The following ACTR3C variants were observed in gnomAD, a reference collection of about 807,000 sequenced individuals.
The protein encoded by ACTR3C is actin related protein 3C.
In ACTR3C, 18 loss-of-function variants were observed where a neutral mutation model predicts 26.3. The ratio of observed to expected loss-of-function variants is 0.68; its 90% CI spans 0.47 to 1.01. ACTR3C has a LOEUF of 1.01. Ranked by LOEUF, ACTR3C falls within the 50% of genes least tolerant of loss-of-function variation. The pLI is 0.00. For missense variants in ACTR3C, 184 were observed against 250.7 expected, an observed-to-expected ratio of 0.73 and a Z score of 1.80; for synonymous variants, 55 against 94.5, an observed-to-expected ratio of 0.58 and a Z score of 2.42.
the ACTR3C span, among the ~76,000 whole-genome samples, chr7:150,212,263 G>C: frequency 6.8e-6 from 1 of 147,602 alleles, no homozygotes; most frequent in East Asian, 1.9e-4. Flanking sequence ...CTGCATTTGA[G>C]GTATAGCTTT....
the ACTR3C span, among the ~76,000 whole-genome samples, chr7:150,180,700 A>G: frequency 2.0e-5 from 3 of 148,932 alleles, no homozygotes; most frequent in Admixed American, 6.6e-5. Flanking sequence ...TTTAGTAGAG[A>G]CGGGGTTTCA....
At chr7:150,223,478 TTTTG>T in the ACTR3C span, among the ~76,000 whole-genome samples, 30,909 of 151,372 alleles carry the variant, frequency 0.2, 4,692 homozygotes, top group African/African-American at 0.43. Context: ...TGCAGGGTTT[TTTTG>T]TTTGTTTGTT....
At chr7:149,976,052 A>G in the ACTR3C span, among the ~76,000 whole-genome samples, 3 of 152,336 alleles carry the variant, frequency 2.0e-5, no homozygotes, top group Admixed American at 2.0e-4. Context: ...TTCTGGGTGC[A>G]TTTTTAATTT....
chr7:150,226,420 T>C, the ACTR3C span, among the ~76,000 whole-genome samples: 2 of 152,066 alleles, frequency 1.3e-5, no homozygotes, highest in Non-Finnish European at 2.9e-5. Context: ...TAGTACCTCA[T>C]TGCTTTTTGT....
the ACTR3C span, among the ~76,000 whole-genome samples, chr7:150,033,880 G>T: frequency 4.6e-5 from 7 of 151,974 alleles, no homozygotes; most frequent in East Asian, 3.9e-4. Context: ...AGAGCAAAGG[G>T]GGGAAGAGGG....
intron 6 of ACTR3C, among the ~76,000 whole-genome samples, chr7:150,266,710 C>G (rs1266099321): frequency 1.3e-5 from 2 of 152,164 alleles, no homozygotes; most frequent in African/African-American, 4.8e-5. Context: ...CTGAAGAACT[C>G]TTACTATTGA....
At chr7:149,974,374 A>G in the ACTR3C span, among the ~76,000 whole-genome samples, 1 of 151,318 alleles carries the variant, frequency 6.6e-6, no homozygotes, top group South Asian at 2.1e-4. Context: ...TTTATTTTAT[A>G]TAATAGATGG....
At chr7:150,234,576 C>G in the ACTR3C span, among the ~76,000 whole-genome samples, 1 of 152,144 alleles carries the variant, frequency 6.6e-6, no homozygotes, top group Non-Finnish European at 1.5e-5. Flanking sequence ...CACTAGCGCT[C>G]CGGAAAATCA....
the ACTR3C span, among the ~76,000 whole-genome samples, chr7:149,883,555 A>T: frequency 6.6e-6 from 1 of 152,176 alleles, no homozygotes; most frequent in African/African-American, 2.4e-5. Flanking sequence ...GGTAACCAAG[A>T]AAAGTTAAGC....
the ACTR3C span, among the ~76,000 whole-genome samples, chr7:150,036,691 C>CT: frequency 7.2e-6 from 1 of 138,856 alleles, no homozygotes; most frequent in African/African-American, 2.5e-5. Context: ...TGCAAATAAC[C>CT]TGCTTTCTTT....
At chr7:150,250,020 G>A (rs1832721441) in intron 6 of ACTR3C, among the ~76,000 whole-genome samples, 1 of 152,106 alleles carries the variant, frequency 6.6e-6, no homozygotes, top group Non-Finnish European at 1.5e-5. Context: ...ATGTGCAATG[G>A]GGCCAGGGAG....
At chr7:150,056,207 G>C in the ACTR3C span, among the ~76,000 whole-genome samples, 2 of 152,126 alleles carry the variant, frequency 1.3e-5, no homozygotes, top group African/African-American at 4.8e-5. Flanking sequence ...ACACACAATA[G>C]ATCTTAAATA....
chr7:150,267,402 G>A (rs1245708689), intron 6 of ACTR3C, among the ~76,000 whole-genome samples: 1 of 152,170 alleles, frequency 6.6e-6, no homozygotes, highest in Admixed American at 6.5e-5. Context: ...ACTCTGTCCC[G>A]CTTAGGGCAC....
intron 6 of ACTR3C, among the ~76,000 whole-genome samples, chr7:150,271,020 A>T: frequency 6.6e-6 from 1 of 151,086 alleles, no homozygotes; most frequent in South Asian, 2.1e-4. Flanking sequence ...TCAACACAGC[A>T]TGTCTCCCCA....
At chr7:149,922,575 C>T in the ACTR3C span, among the ~76,000 whole-genome samples, 1 of 152,008 alleles carries the variant, frequency 6.6e-6, no homozygotes, top group Non-Finnish European at 1.5e-5. Flanking sequence ...GGGGATGCCA[C>T]ATCTCAGTAT....
the ACTR3C span, among the ~76,000 whole-genome samples, chr7:150,043,931 A>G: frequency 2.0e-5 from 3 of 152,202 alleles, no homozygotes; most frequent in Admixed American, 2.0e-4. Context: ...AGGTGGAGGA[A>G]AAAAGATTGG....
the ACTR3C span, among the ~76,000 whole-genome samples, chr7:150,065,103 AT>A: frequency 6.6e-6 from 1 of 151,944 alleles, no homozygotes; most frequent in Admixed American, 6.6e-5. Flanking sequence ...AGAGAGATGG[AT>A]TTCCTGCATC....
At chr7:150,176,292 G>T in the ACTR3C span, among the ~76,000 whole-genome samples, 1 of 150,312 alleles carries the variant, frequency 6.7e-6, no homozygotes, top group Non-Finnish European at 1.5e-5. Flanking sequence ...ATTTCCTTGG[G>T]TCTTCCAAAA....
At chr7:149,928,767 C>T in the ACTR3C span, among the ~76,000 whole-genome samples, 5 of 151,246 alleles carry the variant, frequency 3.3e-5, no homozygotes, top group Admixed American at 6.6e-5. Flanking sequence ...CGCTTGAACC[C>T]GGGAGGCAGA....
Sources: gnomAD v4.1 joint callset for allele counts (sites outside exome capture counted in the v4.1 genomes callset) on GRCh38, gnomAD v4.1.1 for gene constraint, MANE v1.5 for transcripts, NCBI Gene and HGNC (gene_info 2026-07-23, HGNC 2026-07-21) for gene names.